The following CACNA1C variants were observed in gnomAD, a reference collection of about 807,000 sequenced individuals.
The protein encoded by CACNA1C is voltage-dependent L-type calcium channel subunit alpha-1C.
CACNA1C carries 30 observed loss-of-function variants against 229.0 expected under a neutral mutation model. That is an observed-to-expected ratio of 0.13 (90% CI 0.10 to 0.18). The LOEUF is 0.18. Among genes scored for constraint, CACNA1C ranks in the 10% least tolerant of loss-of-function variants. The probability of loss-of-function intolerance (pLI) is 1.00; values close to 1 mark genes in which losing one functional copy is unlikely to be tolerated. For missense variants in CACNA1C, 1,658 were observed against 2,845.0 expected, an observed-to-expected ratio of 0.58 and a Z score of 9.49; for synonymous variants, 1,114 against 1,132.5, an observed-to-expected ratio of 0.98 and a Z score of 0.33.
intron 3 of CACNA1C, among the ~76,000 whole-genome samples, chr12:2,366,534 A>T (rs1475912846): frequency 1.3e-5 from 2 of 152,222 alleles, no homozygotes; most frequent in African/African-American, 2.4e-5. Flanking sequence ...CCATGAGTTA[A>T]AGTTTTGTTT....
In CACNA1C at chr12:2,486,815, G is replaced by A. The variant is rs1597785709; in HGVS notation, c.916+553G>A. Among the ~76,000 whole-genome samples, 1 of 152,274 alleles carries A rather than the reference G, an allele frequency of 6.6e-6. No homozygotes were observed. Among genetic ancestry groups the A allele is most frequent in the Admixed American group, 6.5e-5 (1 of 15,306 alleles). Reference sequence around the variant, plus strand: ...GCCCCAGAGCCCCTATTCCAGGTGGGGGAGGAGGGCAGGTGGGAATCACCC... The same window carrying A: ...GCCCCAGAGCCCCTATTCCAGGTGGAGGAGGAGGGCAGGTGGGAATCACCC... On this transcript the variant is annotated intron_variant, in intron 6 of 46. Coordinates refer to ENST00000399655, the MANE Select transcript of CACNA1C (RefSeq NM_000719.7). This position sits in a 1 kb window ranked among gnomAD's most constrained non-coding sequence, Gnocchi z 4.9.
intron 1 of CACNA1C, among the ~76,000 whole-genome samples, chr12:2,109,852 T>G (rs1248433481): frequency 6.6e-6 from 1 of 152,176 alleles, no homozygotes; most frequent in Admixed American, 6.5e-5. Context: ...AAGAAATCAG[T>G]AGAAGAGCAT....
intron 3 of CACNA1C, among the ~76,000 whole-genome samples, chr12:2,369,544 A>C (rs754887148): frequency 3.9e-5 from 6 of 151,996 alleles, no homozygotes; most frequent in Non-Finnish European, 8.8e-5. Flanking sequence ...GATTACAGGC[A>C]CATGCCACTG....
chr12:2,274,377 T>C (rs1300806610), intron 3 of CACNA1C, among the ~76,000 whole-genome samples: 1 of 152,224 alleles, frequency 6.6e-6, no homozygotes, highest in Non-Finnish European at 1.5e-5. Context: ...GGAAGCATGA[T>C]CTGGAAAAGG....
At chr12:2,086,704 G>A (rs187543911) in intron 1 of CACNA1C, among the ~76,000 whole-genome samples, 13 of 152,254 alleles carry the variant, frequency 8.5e-5, no homozygotes, top group South Asian at 4.2e-4. Flanking sequence ...GGTCTTTGAC[G>A]TTTTCTCCAT....
intron 5 of CACNA1C, among the ~76,000 whole-genome samples, chr12:2,476,315 G>A (rs184094806): frequency 1.5e-3 from 235 of 152,344 alleles, no homozygotes; most frequent in African/African-American, 5.5e-3. Flanking sequence ...CTGGATAATG[G>A]CTAAGGAATG....
chr12:2,396,335 A>G (rs189341031), intron 3 of CACNA1C, among the ~76,000 whole-genome samples: 3 of 152,288 alleles, frequency 2.0e-5, no homozygotes, highest in African/African-American at 7.2e-5. Flanking sequence ...TGCATGCAAC[A>G]CTAGCAAAGC....
chr12:2,267,774 G>A (rs2082961137), intron 3 of CACNA1C, among the ~76,000 whole-genome samples: 1 of 152,212 alleles, frequency 6.6e-6, no homozygotes, highest in Non-Finnish European at 1.5e-5. Flanking sequence ...ATGTGTCTGC[G>A]GAGGGCAGCG....
intron 1 of CACNA1C, among the ~76,000 whole-genome samples, chr12:1,980,080 C>T (rs2035661043): frequency 1.3e-5 from 2 of 152,262 alleles, no homozygotes; most frequent in South Asian, 4.1e-4. Flanking sequence ...TAAACAAACC[C>T]ATACACTATG....
intron 7 of CACNA1C, among the ~76,000 whole-genome samples, chr12:2,503,048 T>C (rs1568080778): frequency 1.3e-5 from 2 of 152,188 alleles, no homozygotes; most frequent in Non-Finnish European, 2.9e-5. Flanking sequence ...TGCAACCTTG[T>C]GGAGGTACAT....
chr12:2,008,811 A>G (rs1335984032), intron 1 of CACNA1C, among the ~76,000 whole-genome samples: 2 of 152,190 alleles, frequency 1.3e-5, no homozygotes, highest in Non-Finnish European at 2.9e-5. Context: ...GCATTGCCAT[A>G]TTGTTCATCT....
At chr12:2,004,580 C>A (rs112034510) in intron 1 of CACNA1C, 7 of 1,154,126 alleles carry the variant, frequency 6.1e-6, no homozygotes, top group Non-Finnish European at 8.3e-6. Flanking sequence ...CCCTCCTGCC[C>A]GCCGACAGAC....
At position 2,101,344 on chromosome 12, in the gene CACNA1C, C is replaced by T. The variant is rs576523043; in HGVS notation, c.50-13880C>T. ...TGAATGTTGGAATTTCTTAACAACTCCCACCAGAGTGCTGAACTGCTGTCC... is the reference window on the plus strand; with the variant it reads ...TGAATGTTGGAATTTCTTAACAACTTCCACCAGAGTGCTGAACTGCTGTCC... On this transcript the variant is annotated intron_variant, in intron 1 of 46. Coordinates refer to ENST00000399655, the MANE Select transcript of CACNA1C (RefSeq NM_000719.7). Among the ~76,000 whole-genome samples the T allele has an allele frequency of 3.3e-5, 5 of 152,286 alleles. No individual in the cohort carries two copies. The South Asian group carries it at 1.0e-3, about 32-fold the overall frequency.
At chr12:2,377,789 C>G (rs1257780681) in intron 3 of CACNA1C, among the ~76,000 whole-genome samples, 1 of 152,184 alleles carries the variant, frequency 6.6e-6, no homozygotes, top group Non-Finnish European at 1.5e-5. Context: ...GAAAGGATGC[C>G]AAGTGAGTCC....
intron 3 of CACNA1C, among the ~76,000 whole-genome samples, chr12:2,257,131 C>T (rs1177172637): frequency 6.6e-6 from 1 of 152,184 alleles, no homozygotes; most frequent in Non-Finnish European, 1.5e-5. Context: ...CAGACAGTCA[C>T]AGAGGAATGA....
In CACNA1C at chr12:2,601,981, C is replaced by A; in HGVS notation, c.2960+21C>A. 1 of 1,461,544 alleles carries A rather than the reference C, an allele frequency of 6.8e-7. No homozygotes were observed. The highest frequency in any genetic ancestry group is 9.6e-7 in the Non-Finnish European group (1 of 1,040,768). 90.5% of individuals were successfully genotyped at this position (1,461,544 alleles called of 1,614,324 possible). On this transcript the variant is annotated intron_variant, in intron 22 of 46. Transcript: ENST00000399655. This position sits in a 1 kb window ranked among gnomAD's most constrained non-coding sequence, Gnocchi z 5.9. The stretch of plus-strand genomic sequence containing the variant: ...ATCCAGTGAGTGGGAGCCCCTCAGC[C>A]CACGATGGGCCATGCAGCTAGCAAG...
In CACNA1C at chr12:2,346,111, C is replaced by T. The variant is rs539331694; in HGVS notation, c.478-102865C>T. 1.2e-4 allele frequency among the ~76,000 whole-genome samples: 19 copies of T among 152,254 alleles called. No individual in the cohort carries two copies. In the South Asian group the frequency reaches 2.5e-3, roughly 20 times the overall value. ...AACCGCTGAAGCTCCCCAGGTGCACCAGGAGCCTTCCCAAGACCTGGATCC... is the reference window on the plus strand; with the variant it reads ...AACCGCTGAAGCTCCCCAGGTGCACTAGGAGCCTTCCCAAGACCTGGATCC... On this transcript the variant is annotated intron_variant, in intron 3 of 46. Transcript: ENST00000399655. The surrounding 1 kb of genome is among the most constrained non-coding windows in gnomAD (Gnocchi z 4.4).
At chr12:2,657,146 A>G (rs1264566095) in intron 34 of CACNA1C, among the ~76,000 whole-genome samples, 2 of 152,220 alleles carry the variant, frequency 1.3e-5, no homozygotes, top group Non-Finnish European at 2.9e-5. Context: ...AAATGAATCA[A>G]AGAAATAGAA....
At chr12:2,557,315 AC>A (rs2044952240) in intron 11 of CACNA1C, among the ~76,000 whole-genome samples, 1 of 152,184 alleles carries the variant, frequency 6.6e-6, no homozygotes, top group African/African-American at 2.4e-5. Context: ...GTCATGACCT[AC>A]TTCATGTTTA....
Sources: allele counts gnomAD v4.1 joint callset (sites outside exome capture counted in the v4.1 genomes callset), GRCh38; gene constraint gnomAD v4.1.1; non-coding constraint Gnocchi (gnomAD v3.1); transcripts MANE v1.5; gene names NCBI Gene and HGNC (gene_info 2026-07-23, HGNC 2026-07-21).